Variants in CTNNA2 observed in about 807,000 individuals in gnomAD.
The protein encoded by CTNNA2 is catenin alpha-2.
CTNNA2 carries 42 observed loss-of-function variants against 101.0 expected under a neutral mutation model. The ratio of observed to expected loss-of-function variants is 0.42; its 90% CI spans 0.32 to 0.54. The LOEUF (loss-of-function observed/expected upper bound fraction) is 0.54, where lower values mean the gene tolerates loss of function less well. Ranked by LOEUF, CTNNA2 falls within the 20% of genes least tolerant of loss-of-function variation. The pLI is 0.14. For missense variants in CTNNA2, 871 were observed against 1,223.1 expected, an observed-to-expected ratio of 0.71 and a Z score of 4.29; for synonymous variants, 450 against 456.4, an observed-to-expected ratio of 0.99 and a Z score of 0.18.
chr2:79,197,819 G>A lies in CTNNA2; in HGVS notation c.-523-140G>A, dbSNP rs140611494. On this transcript the variant is annotated intron_variant, in intron 1 of 21. Coordinates refer to the CTNNA2 transcript ENST00000466387. ...AGACGGAGTCTCGCTTTGTCGCCAGGTTGGAGTGTAGTGGTGCAACCTCAG... is the reference window on the plus strand; with the variant it reads ...AGACGGAGTCTCGCTTTGTCGCCAGATTGGAGTGTAGTGGTGCAACCTCAG... 2.6e-5 allele frequency: 4 copies of A among 152,460 alleles called. No homozygotes were observed. In the East Asian group the frequency reaches 7.7e-4, roughly 29 times the overall value. 9.4% of individuals were successfully genotyped at this position (152,460 alleles called of 1,614,324 possible). A position where few individuals can be genotyped will look rare whatever the true frequency, so the allele number is the denominator to read the frequency against.
intron 4 of CTNNA2, among the ~76,000 whole-genome samples, chr2:79,481,364 T>C (rs558575943): frequency 6.6e-6 from 1 of 152,184 alleles, no homozygotes; most frequent in Admixed American, 6.6e-5. Context: ...TGTCTCCTAC[T>C]TTCTCATTTC....
chr2:79,753,320 T>C (rs1672170567), intron 3 of CTNNA2, among the ~76,000 whole-genome samples: 1 of 152,218 alleles, frequency 6.6e-6, no homozygotes, highest in African/African-American at 2.4e-5. Context: ...AGTAATCTTA[T>C]TCAATTTGAA....
At chr2:80,210,994 G>T (rs574403993) in intron 7 of CTNNA2, among the ~76,000 whole-genome samples, 128 of 152,250 alleles carry the variant, frequency 8.4e-4, no homozygotes, top group African/African-American at 2.8e-3. Flanking sequence ...TCATGTGTCT[G>T]TTGGCTGCAT....
At chr2:80,400,486 T>G (rs1678457209) in intron 8 of CTNNA2, among the ~76,000 whole-genome samples, 1 of 152,108 alleles carries the variant, frequency 6.6e-6, no homozygotes. Flanking sequence ...TTTGCTTGGG[T>G]GGAAAATTGT....
At chr2:79,485,041 A>C (rs891686051) in intron 4 of CTNNA2, among the ~76,000 whole-genome samples, 1 of 152,198 alleles carries the variant, frequency 6.6e-6, no homozygotes, top group Non-Finnish European at 1.5e-5. Context: ...ATAGATAGCC[A>C]TCAGTTTCTC....
intron 7 of CTNNA2, among the ~76,000 whole-genome samples, chr2:80,314,435 G>A (rs545799317): frequency 3.4e-4 from 52 of 152,278 alleles, no homozygotes; most frequent in Non-Finnish European, 6.5e-4. Context: ...AGTAGAGATC[G>A]CCTCAATAGG....
intron 2 of CTNNA2, among the ~76,000 whole-genome samples, chr2:79,220,912 G>A (rs1390070107): frequency 6.6e-6 from 1 of 152,108 alleles, no homozygotes; most frequent in Non-Finnish European, 1.5e-5. Flanking sequence ...TCATAGATTA[G>A]GTGATAATAA....
chr2:80,179,785 T>G (rs1705651798), intron 7 of CTNNA2, among the ~76,000 whole-genome samples: 1 of 152,206 alleles, frequency 6.6e-6, no homozygotes, highest in South Asian at 2.1e-4. Context: ...TAGAGGCAGC[T>G]CTAATGGCTT....
chr2:79,650,428 T>C (rs1333711812), intron 1 of CTNNA2, among the ~76,000 whole-genome samples: 1 of 152,136 alleles, frequency 6.6e-6, no homozygotes, highest in Non-Finnish European at 1.5e-5. Context: ...ACTGAAACTC[T>C]TGTCCCAAGG....
At chr2:80,248,247 A>G (rs999473257) in intron 7 of CTNNA2, among the ~76,000 whole-genome samples, 7 of 152,068 alleles carry the variant, frequency 4.6e-5, no homozygotes, top group Non-Finnish European at 1.0e-4. Flanking sequence ...AGCTTTTGTC[A>G]AGATAGATGG....
chr2:79,638,564 G>A (rs992197933), intron 1 of CTNNA2, among the ~76,000 whole-genome samples: 3 of 152,126 alleles, frequency 2.0e-5, no homozygotes, highest in African/African-American at 7.2e-5. Context: ...TTAAATGCAG[G>A]AGAATCATTT....
At chr2:80,018,073 A>G (rs953858179) in intron 7 of CTNNA2, among the ~76,000 whole-genome samples, 1 of 152,230 alleles carries the variant, frequency 6.6e-6, no homozygotes, top group Admixed American at 6.5e-5. Context: ...ATTAATTTGT[A>G]ATTTTAAGGA....
chr2:79,394,780 T>TA (rs202007845), intron 4 of CTNNA2, among the ~76,000 whole-genome samples: 2,329 of 102,520 alleles, frequency 0.023, 65 homozygotes, highest in African/African-American at 0.08. Flanking sequence ...TCGTTTTACT[T>TA]AAAAAAATTT....
intron 1 of CTNNA2, among the ~76,000 whole-genome samples, chr2:79,191,823 G>A (rs1235209801): frequency 6.6e-6 from 1 of 152,190 alleles, no homozygotes; most frequent in African/African-American, 2.4e-5. Context: ...ATGTCACATA[G>A]TACCAAGTTC....
rs1558680292 is a variant in CTNNA2, at chr2:80,648,560, G to C, written c.*688G>C. ...AATTAAAATCCTTCTGGGGGCACTG[G>C]AAGCACAATACGGTGACCAATCTTG... is the stretch of plus-strand genomic sequence containing the variant. On this transcript the variant is annotated 3_prime_UTR_variant, in exon 19 of 19. Transcript: ENST00000402739. The C allele has an allele frequency of 6.6e-6, 1 of 152,314 alleles. No homozygotes were observed. The highest frequency in any genetic ancestry group is 1.5e-5 in the Non-Finnish European group (1 of 67,984). 9.4% of individuals were successfully genotyped at this position (152,314 alleles called of 1,614,324 possible). A position where few individuals can be genotyped will look rare whatever the true frequency, so the allele number is the denominator to read the frequency against.
chr2:80,597,292 C>G (rs1186099958), intron 15 of CTNNA2, among the ~76,000 whole-genome samples: 1 of 152,084 alleles, frequency 6.6e-6, no homozygotes, highest in Admixed American at 6.5e-5. Flanking sequence ...TTCCTTACAC[C>G]TTATACAAAA....
At chr2:79,728,716 G>A (rs1262998843) in intron 2 of CTNNA2, among the ~76,000 whole-genome samples, 2 of 152,200 alleles carry the variant, frequency 1.3e-5, no homozygotes, top group African/African-American at 4.8e-5. Context: ...TAGGTCTAAT[G>A]CTTAAGTCTT....
chr2:80,214,965 C>CT (rs777507462), intron 7 of CTNNA2, among the ~76,000 whole-genome samples: 3 of 152,112 alleles, frequency 2.0e-5, no homozygotes, highest in Admixed American at 6.6e-5. Flanking sequence ...TTCTTTTACT[C>CT]TTTTTTCTCT....
At chr2:79,654,903 T>A (rs1681503942) in intron 2 of CTNNA2, among the ~76,000 whole-genome samples, 1 of 152,208 alleles carries the variant, frequency 6.6e-6, no homozygotes, top group African/African-American at 2.4e-5. Flanking sequence ...TTTTATGGTC[T>A]GCAGTAAGAA....
Sources: gnomAD v4.1 joint callset for allele counts (sites outside exome capture counted in the v4.1 genomes callset) on GRCh38, gnomAD v4.1.1 for gene constraint, MANE v1.5 for transcripts, NCBI Gene and HGNC (gene_info 2026-07-23, HGNC 2026-07-21) for gene names.